The following ZNF236 variants were observed in gnomAD, a reference collection of about 807,000 sequenced individuals.
ZNF236 encodes zinc finger protein 236, also known as regulated by glucose.
A neutral mutation model predicts 191.2 loss-of-function variants in ZNF236; 50 were observed. The observed-to-expected ratio is 0.26, with a 90% CI of 0.21 to 0.33. The LOEUF is 0.33. ZNF236 is among the 10% of genes least tolerant of loss of function. The pLI is 1.00. For synonymous variants in ZNF236, 907 were observed against 928.8 expected (o/e 0.98, Z 0.43); for missense variants, 1,754 against 2,374.5 (o/e 0.74, Z 5.43).
chr18:76,946,093 C>T (rs951105872), intron 26 of ZNF236, among the ~76,000 whole-genome samples: 4 of 152,110 alleles, frequency 2.6e-5, no homozygotes, highest in East Asian at 1.9e-4. Context: ...ATAGTTTGGC[C>T]GTGTCCCCAC....
intron 4 of ZNF236, among the ~76,000 whole-genome samples, chr18:76,871,472 T>C (rs1328536989): frequency 1.3e-5 from 2 of 152,156 alleles, no homozygotes; most frequent in Admixed American, 6.6e-5. Context: ...ATTTCTGTTT[T>C]TGACCTGGAA....
At chr18:76,846,502 G>A (rs1266668382) in intron 1 of ZNF236, among the ~76,000 whole-genome samples, 1 of 152,200 alleles carries the variant, frequency 6.6e-6, no homozygotes, top group Non-Finnish European at 1.5e-5. Flanking sequence ...CTGTACAAAG[G>A]TGTGCCCCTA....
At chr18:76,867,177 T>C (rs1255891925) in intron 3 of ZNF236, among the ~76,000 whole-genome samples, 3 of 151,148 alleles carry the variant, frequency 2.0e-5, no homozygotes, top group Non-Finnish European at 4.4e-5. Flanking sequence ...TGGGGAATCA[T>C]TGGTAATGAA....
At chr18:76,863,072 G>A (rs1345425803) in intron 3 of ZNF236, among the ~76,000 whole-genome samples, 3 of 152,166 alleles carry the variant, frequency 2.0e-5, no homozygotes, top group African/African-American at 7.2e-5. Flanking sequence ...AAAGAACTCA[G>A]CAGAAGGGCT....
chr18:76,959,848 A>T (rs1175824964), intron 29 of ZNF236, 32 bp downstream of exon 29: 2 of 1,604,864 alleles, frequency 1.2e-6, no homozygotes, highest in Admixed American at 1.7e-5. Context: ...TTGTTTCCTT[A>T]CTCTTTGAAG....
At position 76,851,957 on chromosome 18, in the gene ZNF236, G is replaced by A; in HGVS notation, c.363+18G>A. Reference sequence around the variant, plus strand: ...AGGAAGAGGTAATCATCATCATTTTGCATATACTTTGTTAACTGATTGTTA... The same window carrying A: ...AGGAAGAGGTAATCATCATCATTTTACATATACTTTGTTAACTGATTGTTA... On this transcript the variant is annotated intron_variant, in intron 3 of 30. Coordinates refer to ENST00000320610, the MANE Select transcript of ZNF236 (RefSeq NM_001306089.2). The A allele has an allele frequency of 6.3e-7, 1 of 1,594,544 alleles. No homozygotes were observed. The highest frequency in any genetic ancestry group is 8.5e-7 in the Non-Finnish European group (1 of 1,169,614).
chr18:76,894,996 G>A lies in ZNF236; in HGVS notation c.1418-17G>A. On this transcript the variant is annotated splice_polypyrimidine_tract_variant and intron_variant, in intron 9 of 30. Coordinates refer to ENST00000320610, the MANE Select transcript of ZNF236 (RefSeq NM_001306089.2). ...GGGGTGTCCAGGCCAAGCGGGACGTGTCCTCTCCCTTCACAGGCTCCATCC... is the reference window on the plus strand; with the variant it reads ...GGGGTGTCCAGGCCAAGCGGGACGTATCCTCTCCCTTCACAGGCTCCATCC... 1 of 1,606,130 alleles carries A rather than the reference G, an allele frequency of 6.2e-7. No homozygotes were observed.
rs201791959 is a variant in ZNF236, at chr18:76,961,546, AT to A, written c.5419+693del. Among the ~76,000 whole-genome samples the A allele has an allele frequency of 1.5e-3, 232 of 152,244 alleles. 3 individuals carry two copies. The East Asian group carries it at 0.026, about 17-fold the overall frequency. ...GTGTCTTTTTCATACAATGAAAAAG[AT>A]TCTACTTATTTTCCTCTGGGTAGAG... On this transcript the variant is annotated intron_variant, in intron 30 of 30. Transcript: ENST00000320610.
chr18:76,822,790 G>C (rs1477701549), intron 1 of ZNF236, 128 bp downstream of exon 1: 1 of 144,700 alleles, frequency 6.9e-6, no homozygotes, highest in Non-Finnish European at 1.5e-5. Context: ...GCGCAGACCC[G>C]GGCCGCCGCC....
chr18:76,955,900 T>C, intron 27 of ZNF236, 85 bp from the exon 28 acceptor site: 1 of 1,448,120 alleles, frequency 6.9e-7, no homozygotes. Context: ...GGAATGTCCC[T>C]CTTATCACCA....
chr18:76,934,443 C>A (rs940518898), intron 25 of ZNF236, among the ~76,000 whole-genome samples: 4 of 152,212 alleles, frequency 2.6e-5, no homozygotes, highest in African/African-American at 9.6e-5. Flanking sequence ...TTAAGGAATT[C>A]ATCTCAAATG....
intron 9 of ZNF236, among the ~76,000 whole-genome samples, chr18:76,884,546 T>A (rs78720928): frequency 6.6e-6 from 1 of 152,218 alleles, no homozygotes; most frequent in African/African-American, 2.4e-5. Context: ...GAAACTTTTC[T>A]AAAAGTCCTT....
chr18:76,874,807 C>A (rs950655854), intron 5 of ZNF236, among the ~76,000 whole-genome samples: 1 of 152,050 alleles, frequency 6.6e-6, no homozygotes, highest in Non-Finnish European at 1.5e-5. Context: ...TGTCTGAGGG[C>A]GGTGGCAGAA....
intron 30 of ZNF236, among the ~76,000 whole-genome samples, chr18:76,964,424 G>A (rs1436028081): frequency 1.3e-5 from 2 of 152,166 alleles, no homozygotes; most frequent in African/African-American, 4.8e-5. Context: ...GTCTGAGAGA[G>A]AGCTTGATAT....
chr18:76,868,902 A>T, intron 4 of ZNF236, 39 bp downstream of exon 4: 1 of 1,540,242 alleles, frequency 6.5e-7, no homozygotes, highest in Non-Finnish European at 8.7e-7. Context: ...AAATCCATCT[A>T]ATATGTTAAA....
rs752969128 is a variant in ZNF236 at position 76,912,377 on chromosome 18, A to G, written c.2909+30A>G. 83 of 1,547,470 alleles carry G rather than the reference A, an allele frequency of 5.4e-5. No individual in the cohort carries two copies. The South Asian group carries it at 8.6e-4, about 16-fold the overall frequency. On this transcript the variant is annotated intron_variant, in intron 17 of 30. Coordinates refer to ENST00000320610, the MANE Select transcript of ZNF236 (RefSeq NM_001306089.2). ...TTGTCTGCACAGACCAGCTCATGGT[A>G]TTGCCGGCTCCCAGGAACGGATGCT...
In ZNF236 at chr18:76,969,799, G is replaced by T. The variant is rs1004694281; in HGVS notation, c.*1460G>T. On this transcript the variant is annotated 3_prime_UTR_variant, in exon 31 of 31. Coordinates refer to ENST00000320610, the MANE Select transcript of ZNF236 (RefSeq NM_001306089.2). ...TGAAAGGGCATCTTTTGATTTTTTT[G>T]TTGTTGTTGTTCACTTTTGGCATAT... 2.2e-4 allele frequency: 33 copies of T among 151,536 alleles called. No homozygotes were observed. Among genetic ancestry groups the T allele is most frequent in the South Asian group, 4.2e-4 (2 of 4,814 alleles). 9.4% of individuals were successfully genotyped at this position (151,536 alleles called of 1,614,324 possible).
At chr18:76,905,109 A>T (rs201173806) in intron 12 of ZNF236, 46 bp from the exon 13 acceptor site, 160 of 1,542,944 alleles carry the variant, frequency 1.0e-4, no homozygotes, top group Non-Finnish European at 2.4e-5. Flanking sequence ...AAAGCATTAT[A>T]AAAGTATAAG....
chr18:76,878,495 T>C (rs914235845), intron 7 of ZNF236, among the ~76,000 whole-genome samples: 2 of 152,340 alleles, frequency 1.3e-5, no homozygotes, highest in East Asian at 3.9e-4. Context: ...TCTTTTCTTA[T>C]GTGACAGTGA....
Sources: gnomAD v4.1 joint callset for allele counts (sites outside exome capture counted in the v4.1 genomes callset) on GRCh38, gnomAD v4.1.1 for gene constraint, MANE v1.5 for transcripts, NCBI Gene and HGNC (gene_info 2026-07-23, HGNC 2026-07-21) for gene names.